GLCCI1: variants seen among roughly 807,000 people sequenced by gnomAD.
GLCCI1 encodes glucocorticoid induced 1.
Under a neutral mutation model 52.2 loss-of-function variants are expected in GLCCI1, and 24 were observed. The observed-to-expected ratio is 0.46, with a 90% CI of 0.33 to 0.65. GLCCI1 has a LOEUF of 0.65. Ranked by LOEUF, GLCCI1 falls within the 30% of genes least tolerant of loss-of-function variation. The pLI is 0.02. For synonymous variants in GLCCI1, 310 were observed against 276.5 expected, an observed-to-expected ratio of 1.12 and a Z score of -1.20; for missense variants, 704 against 701.5, an observed-to-expected ratio of 1.00 and a Z score of -0.04.
chr7:8,069,913 T>C (rs1782718969), intron 5 of GLCCI1, among the ~76,000 whole-genome samples: 1 of 152,254 alleles, frequency 6.6e-6, no homozygotes, highest in Admixed American at 6.5e-5. Context: ...ATTGGTTCTT[T>C]TCCCTAGCAC....
At chr7:8,050,390 G>A (rs1417238620) in intron 3 of GLCCI1, among the ~76,000 whole-genome samples, 1 of 152,092 alleles carries the variant, frequency 6.6e-6, no homozygotes, top group Non-Finnish European at 1.5e-5. Flanking sequence ...ATTTTTAGAA[G>A]TTTGAGATTT....
At chr7:7,972,102 G>A (rs1229823399) in intron 1 of GLCCI1, among the ~76,000 whole-genome samples, 1 of 152,138 alleles carries the variant, frequency 6.6e-6, no homozygotes, top group African/African-American at 2.4e-5. Context: ...TCCATGATCT[G>A]AACAGTTGAT....
At chr7:8,061,693 G>A (rs946782977) in intron 5 of GLCCI1, among the ~76,000 whole-genome samples, 18 of 110,668 alleles carry the variant, frequency 1.6e-4, no homozygotes, top group Admixed American at 7.5e-4. Flanking sequence ...TTGAGACAGG[G>A]TCTCGTTCTG....
intron 6 of GLCCI1, among the ~76,000 whole-genome samples, chr7:8,077,499 G>A (rs1240361226): frequency 6.6e-6 from 1 of 152,044 alleles, no homozygotes; most frequent in Non-Finnish European, 1.5e-5. Context: ...TTGACTCTGG[G>A]GCAGCCAGGT....
intron 1 of GLCCI1, among the ~76,000 whole-genome samples, chr7:7,974,161 C>G (rs1464926110): frequency 6.6e-6 from 1 of 152,084 alleles, no homozygotes; most frequent in Non-Finnish European, 1.5e-5. Flanking sequence ...CAGCAGTGTT[C>G]ATTATTTACA....
chr7:7,981,770 A>G (rs1780627286), intron 1 of GLCCI1: 2 of 362,872 alleles, frequency 5.5e-6, no homozygotes, highest in Non-Finnish European at 1.1e-5. Flanking sequence ...TTAAAGGAGT[A>G]TACAAAGGAA....
At chr7:7,993,864 G>T (rs989807237) in intron 1 of GLCCI1, among the ~76,000 whole-genome samples, 1 of 151,796 alleles carries the variant, frequency 6.6e-6, no homozygotes, top group African/African-American at 2.4e-5. Context: ...TCAAAAAATT[G>T]TGAGTCAAAC....
chr7:8,080,817 TTTTG>T (rs1252772984), intron 6 of GLCCI1, among the ~76,000 whole-genome samples: 2 of 151,562 alleles, frequency 1.3e-5, no homozygotes, highest in African/African-American at 2.4e-5. Context: ...CTAATCCTTT[TTTTG>T]TTTGTTTTTT....
At chr7:8,061,201 G>A (rs972140531) in intron 5 of GLCCI1, among the ~76,000 whole-genome samples, 4 of 151,018 alleles carry the variant, frequency 2.6e-5, no homozygotes, top group East Asian at 2.0e-4. Context: ...CTGGGTTCAC[G>A]CCATTCTCCT....
At chr7:8,067,014 C>T (rs1318827928) in intron 5 of GLCCI1, among the ~76,000 whole-genome samples, 5 of 152,228 alleles carry the variant, frequency 3.3e-5, no homozygotes, top group Non-Finnish European at 5.9e-5. Context: ...TTATGGACAT[C>T]GAAGTCTCTT....
Position 8,088,525 on chromosome 7 carries a change from T to C in GLCCI1, c.*1987T>C, listed in dbSNP as rs1321436286. 1 of 152,562 alleles carries C rather than the reference T, an allele frequency of 6.6e-6. No homozygotes were observed. The highest frequency in any genetic ancestry group is 1.5e-5 in the Non-Finnish European group (1 of 68,018). 9.5% of individuals were successfully genotyped at this position (152,562 alleles called of 1,614,324 possible). A position where few individuals can be genotyped will look rare whatever the true frequency, so the allele number is the denominator to read the frequency against. ...TGATGAAAATACTATATTTTGTAGA[T>C]TATGGTTAAAGGGGGAAAATTACTA... On this transcript the variant is annotated 3_prime_UTR_variant, in exon 8 of 8. Transcript: ENST00000223145.
chr7:7,970,347 T>C (rs956650013), intron 1 of GLCCI1: 1 of 152,064 alleles, frequency 6.6e-6, no homozygotes, highest in Non-Finnish European at 1.5e-5. Context: ...TTGAAGTGTA[T>C]ACGGTTTTTT....
intron 6 of GLCCI1, among the ~76,000 whole-genome samples, chr7:8,074,747 T>G (rs980956987): frequency 1.3e-5 from 2 of 152,120 alleles, no homozygotes; most frequent in South Asian, 2.1e-4. Context: ...TAAATTGGTG[T>G]TTTTTTATTA....
At chr7:8,032,455 G>GTAAC (rs1781775698) in intron 3 of GLCCI1, among the ~76,000 whole-genome samples, 1 of 152,022 alleles carries the variant, frequency 6.6e-6, no homozygotes, top group African/African-American at 2.4e-5. Context: ...AAAAATCAGT[G>GTAAC]TAACTAAAAG....
At chr7:8,023,253 G>T (rs1375640636) in intron 3 of GLCCI1, among the ~76,000 whole-genome samples, 1 of 152,128 alleles carries the variant, frequency 6.6e-6, no homozygotes, top group Non-Finnish European at 1.5e-5. Context: ...CTGACCTCGT[G>T]ATCCGCCCGC....
At chr7:8,001,952 G>A (rs185961521) in intron 1 of GLCCI1, among the ~76,000 whole-genome samples, 3 of 152,236 alleles carry the variant, frequency 2.0e-5, no homozygotes, top group East Asian at 3.9e-4. Context: ...CTCATAGGGT[G>A]GGGAGCTGGG....
At chr7:8,046,173 G>GAATTGA (rs60207293) in intron 3 of GLCCI1, among the ~76,000 whole-genome samples, 86,258 of 151,118 alleles carry the variant, frequency 0.57, 24,797 homozygotes, top group African/African-American at 0.65. Context: ...TATCAGCTGG[G>GAATTGA]AATTGAAAGT....
At chr7:8,004,606 C>T (rs1399559944) in intron 2 of GLCCI1, among the ~76,000 whole-genome samples, 1 of 152,134 alleles carries the variant, frequency 6.6e-6, no homozygotes, top group Admixed American at 6.6e-5. Context: ...CATCTTTATT[C>T]ATGATTATCT....
chr7:8,082,011 T>C (rs1483430541), intron 6 of GLCCI1, among the ~76,000 whole-genome samples: 1 of 152,232 alleles, frequency 6.6e-6, no homozygotes, highest in Admixed American at 6.5e-5. Flanking sequence ...GATCCTATAT[T>C]ATTCTCCGGA....
Sources: gnomAD v4.1 joint callset for allele counts (sites outside exome capture counted in the v4.1 genomes callset) on GRCh38, gnomAD v4.1.1 for gene constraint, MANE v1.5 for transcripts, NCBI Gene and HGNC (gene_info 2026-07-23, HGNC 2026-07-21) for gene names.